Variants in CELF2 observed in about 807,000 individuals in gnomAD.
CELF2 encodes the protein CUGBP Elav-like family member 2.
In CELF2, 8 loss-of-function variants were observed where a neutral mutation model predicts 62.6. The observed-to-expected ratio is 0.13, with a 90% confidence interval of 0.07 to 0.23. CELF2 has a LOEUF of 0.23. Ranked by LOEUF, CELF2 falls within the 10% of genes least tolerant of loss-of-function variation. The pLI, the probability that CELF2 is intolerant of heterozygous loss-of-function variation, is 1.00. For synonymous variants in CELF2, 258 were observed against 250.0 expected (o/e 1.03, Z -0.30); for missense variants, 333 against 671.0 (o/e 0.50, Z 5.56).
the CELF2 span, among the ~76,000 whole-genome samples, chr10:10,726,945 G>A: frequency 6.6e-6 from 1 of 152,226 alleles, no homozygotes; most frequent in African/African-American, 2.4e-5. Context: ...CATGGCGGAA[G>A]GCAAAGCCGA....
Position 11,329,645 on chromosome 10 carries a change from G to GTTCAAAGAAACATGACATTTA in CELF2, c.*595_*615dup, listed in dbSNP as rs149686892. The GTTCAAAGAAACATGACATTTA allele has an allele frequency of 1.5e-4, 23 of 152,680 alleles. No individual in the cohort carries two copies. Among genetic ancestry groups the GTTCAAAGAAACATGACATTTA allele is most frequent in the Admixed American group, 1.0e-3 (16 of 15,298 alleles). 9.5% of individuals were successfully genotyped at this position (152,680 alleles called of 1,614,324 possible). ...TTACTAAGTAGGATTTTATTTTAGG[G>GTTCAAAGAAACATGACATTTA]TTCAAAGAAACATGACATTTATTGG... On this transcript the variant is annotated 3_prime_UTR_variant, in exon 13 of 13. Coordinates refer to ENST00000633077, the MANE Select transcript of CELF2 (RefSeq NM_001326342.2). The surrounding 1 kb of genome is among the most constrained non-coding windows in gnomAD (Gnocchi z 5.5).
chr10:10,797,648 G>T (rs184472238), upstream of CELF2, among the ~76,000 whole-genome samples: 381 of 152,276 alleles, frequency 2.5e-3, 3 homozygotes, highest in Middle Eastern at 3.4e-3. Context: ...TGACGGGCTG[G>T]CCAGCCATGG....
At chr10:11,205,803 G>A (rs1356145403) in intron 2 of CELF2, among the ~76,000 whole-genome samples, 3 of 152,196 alleles carry the variant, frequency 2.0e-5, no homozygotes, top group Non-Finnish European at 2.9e-5. Flanking sequence ...CATGAAATGC[G>A]ACTCAGCTAT....
At chr10:10,984,926 G>A (rs938474013) in intron 2 of CELF2, among the ~76,000 whole-genome samples, 4 of 152,056 alleles carry the variant, frequency 2.6e-5, no homozygotes, top group Non-Finnish European at 5.9e-5. Context: ...AGCCAACAGG[G>A]ACCAGGGCAG....
chr10:11,056,155 A>G (rs61830398), intron 1 of CELF2, among the ~76,000 whole-genome samples: 3,589 of 152,334 alleles, frequency 0.024, 73 homozygotes, highest in South Asian at 0.04. Context: ...TGTGTGCAAT[A>G]TGGGACCCTA....
At chr10:11,023,811 A>G (rs769515430) in intron 1 of CELF2, among the ~76,000 whole-genome samples, 2 of 152,260 alleles carry the variant, frequency 1.3e-5, no homozygotes, top group Non-Finnish European at 2.9e-5. Context: ...TTTTATGAAC[A>G]GTCTCTTTTA....
intron 1 of CELF2, among the ~76,000 whole-genome samples, chr10:11,124,048 G>T (rs2058247868): frequency 6.6e-6 from 1 of 152,208 alleles, no homozygotes; most frequent in Non-Finnish European, 1.5e-5. Flanking sequence ...AGGAGAGCTT[G>T]TGCAGGGGAA....
At chr10:10,586,784 C>A in the CELF2 span, among the ~76,000 whole-genome samples, 1 of 152,164 alleles carries the variant, frequency 6.6e-6, no homozygotes, top group Non-Finnish European at 1.5e-5. Context: ...ATTACTAAAT[C>A]AGAATTTCTA....
At chr10:10,782,194 G>T in the CELF2 span, among the ~76,000 whole-genome samples, 6 of 152,202 alleles carry the variant, frequency 3.9e-5, no homozygotes, top group African/African-American at 1.2e-4. Context: ...ATGAGAAATT[G>T]GTTCATGCTA....
chr10:10,846,358 G>A (rs907886172), intron 1 of CELF2, among the ~76,000 whole-genome samples: 1 of 152,140 alleles, frequency 6.6e-6, no homozygotes, highest in Non-Finnish European at 1.5e-5. Flanking sequence ...TTTCACAGAT[G>A]TTCCCTCTAT....
At chr10:10,749,372 G>A in the CELF2 span, among the ~76,000 whole-genome samples, 8 of 152,136 alleles carry the variant, frequency 5.3e-5, no homozygotes, top group Non-Finnish European at 1.2e-4. Flanking sequence ...AGGGTACTAA[G>A]TGGCCTAGAA....
intron 1 of CELF2, among the ~76,000 whole-genome samples, chr10:10,875,376 G>A (rs556642833): frequency 1.1e-4 from 17 of 152,172 alleles, no homozygotes; most frequent in African/African-American, 2.2e-4. Flanking sequence ...GGATTTTTAC[G>A]TGTAATCACA....
At chr10:11,299,649 C>G (rs2093530213) in intron 9 of CELF2, among the ~76,000 whole-genome samples, 1 of 152,138 alleles carries the variant, frequency 6.6e-6, no homozygotes, top group African/African-American at 2.4e-5. Context: ...AAAACAGAGG[C>G]CTGCAAGGGT....
At chr10:11,293,120 AC>A (rs1242205983) in intron 9 of CELF2, among the ~76,000 whole-genome samples, 2 of 151,850 alleles carry the variant, frequency 1.3e-5, no homozygotes, top group Non-Finnish European at 2.9e-5. Context: ...AGATCAGGCC[AC>A]CCCCCGTAGC....
intron 3 of CELF2, among the ~76,000 whole-genome samples, chr10:11,218,626 C>T (rs901331355): frequency 1.3e-5 from 2 of 152,234 alleles, no homozygotes; most frequent in Admixed American, 6.5e-5. Flanking sequence ...TTGAATCATA[C>T]TACTTTGGTA....
At chr10:11,120,943 C>T (rs1453622004) in intron 1 of CELF2, among the ~76,000 whole-genome samples, 1 of 152,142 alleles carries the variant, frequency 6.6e-6, no homozygotes, top group Admixed American at 6.5e-5. Flanking sequence ...AAATCAACAG[C>T]TTTTAAGCGC....
the CELF2 span, among the ~76,000 whole-genome samples, chr10:10,555,657 C>G: frequency 3.6e-3 from 553 of 152,276 alleles, 3 homozygotes; most frequent in African/African-American, 0.013. Context: ...ATTGCATACC[C>G]TGTACCATTT....
At chr10:11,092,445 C>T (rs2048575526) in intron 1 of CELF2, 3 of 152,216 alleles carry the variant, frequency 2.0e-5, no homozygotes, top group Admixed American at 2.0e-4. Context: ...TAGCTGAGAC[C>T]CTCATAACAA....
At chr10:10,783,071 AT>A in the CELF2 span, among the ~76,000 whole-genome samples, 1 of 152,168 alleles carries the variant, frequency 6.6e-6, no homozygotes, top group East Asian at 1.9e-4. Context: ...TTTCAGAAAC[AT>A]TAAGAAATTT....
Sources: allele counts gnomAD v4.1 joint callset (sites outside exome capture counted in the v4.1 genomes callset), GRCh38; gene constraint gnomAD v4.1.1; non-coding constraint Gnocchi (gnomAD v3.1); transcripts MANE v1.5; gene names NCBI Gene and HGNC (gene_info 2026-07-23, HGNC 2026-07-21).